Variants in KCNH8 observed in about 807,000 individuals in gnomAD.
KCNH8 encodes voltage-gated delayed rectifier potassium channel KCNH8.
In KCNH8, 70 loss-of-function variants were observed where a neutral mutation model predicts 103.6. That is an observed-to-expected ratio of 0.68 (90% CI 0.56 to 0.82). The LOEUF (loss-of-function observed/expected upper bound fraction) is 0.82. KCNH8 is among the 40% of genes least tolerant of loss of function. The pLI is 0.00. For missense variants in KCNH8, 1,217 were observed against 1,329.9 expected (o/e 0.92, Z 1.32); for synonymous variants, 498 against 489.4 (o/e 1.02, Z -0.23).
rs545949949 is a variant in KCNH8 at position 19,530,377 on chromosome 3, C to T, written c.2620-3018C>T. Among the ~76,000 whole-genome samples, 13 of 152,160 alleles carry T rather than the reference C, an allele frequency of 8.5e-5. 1 individual carries two copies. Among genetic ancestry groups the T allele is most frequent in the African/African-American group, 2.9e-4 (12 of 41,506 alleles). ...TAATTATCCTGATTTGATCATTATA[C>T]ACTGTATTCATATATAAAATATCAC... On this transcript the variant is annotated intron_variant, in intron 15 of 15. Coordinates refer to ENST00000328405, the MANE Select transcript of KCNH8 (RefSeq NM_144633.3).
intron 11 of KCNH8, among the ~76,000 whole-genome samples, chr3:19,465,832 T>G (rs372633563): frequency 2.0e-5 from 3 of 151,866 alleles, no homozygotes; most frequent in Non-Finnish European, 4.4e-5. Context: ...CTGGTGGAGA[T>G]AGCAAAAGAA....
At chr3:19,255,777 T>C (rs544978769) in intron 2 of KCNH8, among the ~76,000 whole-genome samples, 1 of 152,282 alleles carries the variant, frequency 6.6e-6, no homozygotes, top group East Asian at 1.9e-4. Flanking sequence ...TTTTATTTGT[T>C]GTAACAATAT....
intron 2 of KCNH8, among the ~76,000 whole-genome samples, chr3:19,269,206 A>G (rs2064554728): frequency 6.6e-6 from 1 of 152,036 alleles, no homozygotes; most frequent in South Asian, 2.1e-4. Flanking sequence ...GACCATCTCA[A>G]CCCATTGGCA....
chr3:19,346,778 T>G (rs2065735445), intron 4 of KCNH8: 1 of 434,402 alleles, frequency 2.3e-6, no homozygotes, highest in African/African-American at 2.0e-5. Flanking sequence ...TTAATTCAAC[T>G]AAACTTTCAA....
intron 1 of KCNH8, among the ~76,000 whole-genome samples, chr3:19,212,077 A>G (rs576323397): frequency 6.9e-6 from 1 of 144,268 alleles, no homozygotes; most frequent in East Asian, 1.9e-4. Context: ...CATGAGCTTT[A>G]TTCATGGTGT....
chr3:19,296,930 A>G (rs971116055), intron 3 of KCNH8, among the ~76,000 whole-genome samples: 5 of 152,142 alleles, frequency 3.3e-5, no homozygotes, highest in Non-Finnish European at 5.9e-5. Context: ...TAGTGAGTCT[A>G]TTTTAAAAAT....
At chr3:19,403,335 C>A (rs961495223) in intron 7 of KCNH8, among the ~76,000 whole-genome samples, 3 of 139,870 alleles carry the variant, frequency 2.1e-5, no homozygotes, top group Admixed American at 7.4e-5. Context: ...TTCTTCTGTT[C>A]CCCCCCATGA....
chr3:19,459,333 C>A (rs202103871), intron 11 of KCNH8, among the ~76,000 whole-genome samples: 1 of 151,880 alleles, frequency 6.6e-6, no homozygotes, highest in East Asian at 1.9e-4. Context: ...TAATGATTAG[C>A]AATATTGAGC....
intron 11 of KCNH8, among the ~76,000 whole-genome samples, chr3:19,492,124 T>C (rs115388620): frequency 1.0e-3 from 155 of 152,294 alleles, no homozygotes; most frequent in Non-Finnish European, 1.4e-3. Flanking sequence ...TTTTGTCAGT[T>C]GTCTGTTTAC....
At chr3:19,176,249 A>G (rs1397681242) in intron 1 of KCNH8, among the ~76,000 whole-genome samples, 1 of 152,148 alleles carries the variant, frequency 6.6e-6, no homozygotes, top group Non-Finnish European at 1.5e-5. Context: ...TCTTATTTGA[A>G]AGTAAGGAAG....
At chr3:19,459,355 T>A (rs1040903049) in intron 11 of KCNH8, among the ~76,000 whole-genome samples, 1 of 152,062 alleles carries the variant, frequency 6.6e-6, no homozygotes, top group Non-Finnish European at 1.5e-5. Context: ...TATTTTCATA[T>A]AACTGTTGGC....
At chr3:19,461,067 CCA>C (rs2067618805) in intron 11 of KCNH8, among the ~76,000 whole-genome samples, 1 of 152,026 alleles carries the variant, frequency 6.6e-6, no homozygotes, top group African/African-American at 2.4e-5. Flanking sequence ...AGACTAATGC[CCA>C]GTTATTTTAC....
intron 3 of KCNH8, among the ~76,000 whole-genome samples, chr3:19,312,631 A>T (rs1387767812): frequency 6.6e-6 from 1 of 151,962 alleles, no homozygotes; most frequent in East Asian, 1.9e-4. Context: ...ATTAGTAAAT[A>T]TTATTCTAAA....
At chr3:19,445,319 G>GATC (rs936159419) in intron 8 of KCNH8, among the ~76,000 whole-genome samples, 6 of 151,732 alleles carry the variant, frequency 4.0e-5, no homozygotes, top group Admixed American at 1.3e-4. Flanking sequence ...CTTTGGTGAA[G>GATC]GGATTGGTTA....
intron 14 of KCNH8, among the ~76,000 whole-genome samples, chr3:19,517,464 G>C (rs1418305012): frequency 1.3e-5 from 2 of 151,894 alleles, no homozygotes; most frequent in Non-Finnish European, 2.9e-5. Context: ...GAGCAAAGTA[G>C]AGAAAAAGTG....
chr3:19,372,104 T>C (rs1278208085), intron 5 of KCNH8, among the ~76,000 whole-genome samples: 2 of 152,304 alleles, frequency 1.3e-5, no homozygotes, highest in South Asian at 2.1e-4. Context: ...GGCTCTTTTT[T>C]GGTTCCATAT....
intron 1 of KCNH8, among the ~76,000 whole-genome samples, chr3:19,176,684 T>A (rs1227476021): frequency 1.3e-5 from 2 of 152,154 alleles, no homozygotes; most frequent in Non-Finnish European, 2.9e-5. Context: ...ACATTACCTA[T>A]CTTTTGATTG....
intron 2 of KCNH8, among the ~76,000 whole-genome samples, chr3:19,260,485 AG>A: frequency 1.2e-5 from 1 of 81,184 alleles, no homozygotes; most frequent in Admixed American, 1.6e-4. Flanking sequence ...ATTACTCTAT[AG>A]GATATATATA....
chr3:19,385,870 T>A (rs530945237), intron 5 of KCNH8, among the ~76,000 whole-genome samples: 171 of 152,314 alleles, frequency 1.1e-3, no homozygotes, highest in Non-Finnish European at 1.8e-3. Flanking sequence ...CTGTACTACA[T>A]TGATTACTTT....
Sources: gnomAD v4.1 joint callset for allele counts (sites outside exome capture counted in the v4.1 genomes callset) on GRCh38, gnomAD v4.1.1 for gene constraint, MANE v1.5 for transcripts, NCBI Gene and HGNC (gene_info 2026-07-23, HGNC 2026-07-21) for gene names.